ABLIM3: variants seen among roughly 807,000 people sequenced by gnomAD.
The protein encoded by ABLIM3 is actin binding LIM protein family member 3.
A neutral mutation model predicts 109.5 loss-of-function variants in ABLIM3; 61 were observed. That is an observed-to-expected ratio of 0.56 (90% confidence interval 0.45 to 0.69). The LOEUF (loss-of-function observed/expected upper bound fraction) is 0.69, where lower values mean the gene tolerates loss of function less well. Among genes scored for constraint, ABLIM3 ranks in the 30% least tolerant of loss-of-function variants. The pLI is 0.00. For missense variants in ABLIM3, 796 were observed against 889.5 expected (o/e 0.89, Z 1.34); for synonymous variants, 300 against 324.8 (o/e 0.92, Z 0.82).
Position 149,259,368 on chromosome 5 carries a change from AC to A in ABLIM3, c.*966del. On this transcript the variant is annotated 3_prime_UTR_variant, in exon 24 of 24. Coordinates refer to ENST00000309868, the MANE Select transcript of ABLIM3 (RefSeq NM_014945.5). ...AACACACCGCAGGGCTAATGTTCCCACCAGAGCTCCAACTGAACAACCAGAC... is the reference window on the plus strand; with the variant it reads ...AACACACCGCAGGGCTAATGTTCCCACAGAGCTCCAACTGAACAACCAGAC... 6.8e-7 allele frequency: 1 copy of A among 1,462,996 alleles called. No individual in the cohort carries two copies. The highest frequency in any genetic ancestry group is 2.3e-5 in the Admixed American group (1 of 42,848). The allele number at this position is 1,462,996 out of a possible 1,614,324, so 90.6% of individuals were successfully genotyped here.
intron 9 of ABLIM3, 105 bp downstream of exon 9, chr5:149,230,812 A>T: frequency 7.7e-7 from 1 of 1,299,102 alleles, no homozygotes; most frequent in Non-Finnish European, 1.1e-6. Flanking sequence ...CTTAGTGTGC[A>T]CACTCCCAAA....
At chr5:149,253,452 T>A (rs903037407) in intron 23 of ABLIM3, among the ~76,000 whole-genome samples, 5 of 152,182 alleles carry the variant, frequency 3.3e-5, no homozygotes, top group Non-Finnish European at 7.4e-5. Context: ...GCTTCCCCCA[T>A]GCTGCCAAGA....
rs1031463945 is a variant in ABLIM3, at chr5:149,259,246, C to T, written c.*842C>T. ...TGGGACCCTCCTCTCTCCCTCACTGCTCCCAGCACCTCCTGACCCTTCCCT... is the reference window on the plus strand; with the variant it reads ...TGGGACCCTCCTCTCTCCCTCACTGTTCCCAGCACCTCCTGACCCTTCCCT... On this transcript the variant is annotated 3_prime_UTR_variant, in exon 24 of 24. Transcript: ENST00000309868. 8.0e-7 allele frequency: 1 copy of T among 1,244,860 alleles called. No homozygotes were observed. Among genetic ancestry groups the T allele is most frequent in the Non-Finnish European group, 1.0e-6 (1 of 988,734 alleles). The allele number at this position is 1,244,860 out of a possible 1,614,324, so 77.1% of individuals were successfully genotyped here. A position where few individuals can be genotyped will look rare whatever the true frequency, so the allele number is the denominator to read the frequency against.
At chr5:149,170,959 A>T (rs1755358945) in intron 2 of ABLIM3, among the ~76,000 whole-genome samples, 1 of 152,186 alleles carries the variant, frequency 6.6e-6, no homozygotes, top group Admixed American at 6.5e-5. Flanking sequence ...TTAAAATGCC[A>T]TCTCTCCATG....
Position 149,258,735 on chromosome 5 carries a change from T to C in ABLIM3, c.*331T>C, listed in dbSNP as rs970564009. ...GGTGCCTGAAGAAGTCTCTCTTCTC[T>C]CTGCTTCGTGGCCCCTTTCTTAAAT... On this transcript the variant is annotated 3_prime_UTR_variant, in exon 24 of 24. Transcript: ENST00000309868. The C allele has an allele frequency of 9.8e-7, 1 of 1,015,812 alleles. No individual in the cohort carries two copies. Among genetic ancestry groups the C allele is most frequent in the African/African-American group, 1.7e-5 (1 of 58,112 alleles). 62.9% of individuals were successfully genotyped at this position (1,015,812 alleles called of 1,614,324 possible).
rs145529112 is a variant in ABLIM3 at position 149,248,327 on chromosome 5, C to A, written c.1699+398C>A. ...CTATGGGGCACTATGTAAGACCATG[C>A]TGCCCTGAGCAGTCACTCCCATTGC... is the stretch of plus-strand genomic sequence containing the variant. On this transcript the variant is annotated intron_variant, in intron 18 of 23. Transcript: ENST00000309868. Among the ~76,000 whole-genome samples the A allele has an allele frequency of 1.3e-3, 203 of 152,296 alleles. 2 individuals are homozygous for A. The East Asian group carries it at 0.03, about 23-fold the overall frequency.
At chr5:149,207,333 C>A (rs1759090800) in intron 6 of ABLIM3, among the ~76,000 whole-genome samples, 199 bp downstream of exon 6, 1 of 152,126 alleles carries the variant, frequency 6.6e-6, no homozygotes. Context: ...GCCTGAGACA[C>A]CCTCCCTGTT....
At chr5:149,206,880 C>A in intron 5 of ABLIM3, 128 bp from the exon 6 acceptor site, 1 of 1,154,788 alleles carries the variant, frequency 8.7e-7, no homozygotes, top group Non-Finnish European at 1.1e-6. Context: ...TGGGAAGCTT[C>A]CAGTGTCAGG....
chr5:149,243,366 A>G (rs942262910), intron 15 of ABLIM3: 5 of 152,204 alleles, frequency 3.3e-5, no homozygotes, highest in Admixed American at 3.3e-4. Flanking sequence ...CGATTGAAGG[A>G]GCACATCCCT....
At chr5:149,197,832 G>A (rs542729179) in intron 3 of ABLIM3, among the ~76,000 whole-genome samples, 157 of 152,344 alleles carry the variant, frequency 1.0e-3, no homozygotes, top group Non-Finnish European at 1.8e-3. Flanking sequence ...TACACCACCA[G>A]TGCTTCTTAG....
At chr5:149,153,139 T>C (rs1198354943) in intron 2 of ABLIM3, among the ~76,000 whole-genome samples, 1 of 152,190 alleles carries the variant, frequency 6.6e-6, no homozygotes, top group Non-Finnish European at 1.5e-5. Context: ...TCTGCTAAGA[T>C]GGCTACTAGA....
intron 2 of ABLIM3, among the ~76,000 whole-genome samples, chr5:149,154,022 A>G (rs1561534775): frequency 6.6e-6 from 1 of 152,148 alleles, no homozygotes; most frequent in Non-Finnish European, 1.5e-5. Flanking sequence ...ATCTTTCTCC[A>G]TGGGCTGTTA....
intron 23 of ABLIM3, among the ~76,000 whole-genome samples, chr5:149,256,251 A>AT (rs1217067619): frequency 2.0e-5 from 3 of 152,156 alleles, no homozygotes; most frequent in Non-Finnish European, 4.4e-5. Flanking sequence ...CATAACAAAG[A>AT]TTTTTTAACA....
chr5:149,142,217 A>G, intron 2 of ABLIM3, 109 bp downstream of exon 2: 1 of 1,496,782 alleles, frequency 6.7e-7, no homozygotes, highest in Non-Finnish European at 9.3e-7. Context: ...GCATCTCTGG[A>G]CACATGACCC....
rs376654599 is a variant in ABLIM3 at position 149,232,126 on chromosome 5, C to T, written c.817-1103C>T. 7.0e-4 allele frequency among the ~76,000 whole-genome samples: 106 copies of T among 151,974 alleles called. 1 individual carries two copies. The highest frequency in any genetic ancestry group is 2.5e-3 in the African/African-American group (103 of 41,374). ...TTCGAGACCAGGCTGGCCAACATGG[C>T]GAAACCCCAATTCTACTAAAAATAC... On this transcript the variant is annotated intron_variant, in intron 9 of 23. Transcript: ENST00000309868.
At chr5:149,205,813 A>G (rs972942670) in intron 5 of ABLIM3, among the ~76,000 whole-genome samples, 1 of 152,200 alleles carries the variant, frequency 6.6e-6, no homozygotes, top group African/African-American at 2.4e-5. Flanking sequence ...GAGGCGGAGT[A>G]CTGTGGGAAC....
Position 149,149,199 on chromosome 5 carries a change from C to T in ABLIM3, c.13+7091C>T, listed in dbSNP as rs534735735. Reference sequence around the variant, plus strand: ...GTTCAAACTCAAGATCTATCATGTACTCTCTCTGTGGTCTTGGACAGAATA... The same window carrying T: ...GTTCAAACTCAAGATCTATCATGTATTCTCTCTGTGGTCTTGGACAGAATA... On this transcript the variant is annotated intron_variant, in intron 2 of 23. Coordinates refer to ENST00000309868, the MANE Select transcript of ABLIM3 (RefSeq NM_014945.5). Among the ~76,000 whole-genome samples the T allele has an allele frequency of 2.0e-5, 3 of 152,336 alleles. No individual in the cohort carries two copies. In the South Asian group the frequency reaches 6.2e-4, roughly 32 times the overall value.
chr5:149,225,958 A>ATG lies in ABLIM3; in HGVS notation c.758-4667_758-4666dup, dbSNP rs372337062. Among the ~76,000 whole-genome samples the ATG allele has an allele frequency of 9.4e-3, 921 of 97,928 alleles. 18 individuals carry two copies. The highest frequency in any genetic ancestry group is 0.011 in the Non-Finnish European group (582 of 53,490). 64.2% of individuals were successfully genotyped at this position (97,928 alleles called of 152,430 possible). A position where few individuals can be genotyped will look rare whatever the true frequency, so the allele number is the denominator to read the frequency against. On this transcript the variant is annotated intron_variant, in intron 8 of 23. Coordinates refer to ENST00000309868, the MANE Select transcript of ABLIM3 (RefSeq NM_014945.5). ...ATATATATGTATGTATGTATATAAT[A>ATG]TGTGTGTGTGTGTGTGTGTGTGTGT...
At chr5:149,161,249 C>A (rs1018926119) in intron 2 of ABLIM3, among the ~76,000 whole-genome samples, 1 of 152,190 alleles carries the variant, frequency 6.6e-6, no homozygotes, top group Non-Finnish European at 1.5e-5. Context: ...GACATCAGTG[C>A]TATGGGAAAT....
Sources: gnomAD v4.1 joint callset for allele counts (sites outside exome capture counted in the v4.1 genomes callset) on GRCh38, gnomAD v4.1.1 for gene constraint, MANE v1.5 for transcripts, NCBI Gene and HGNC (gene_info 2026-07-23, HGNC 2026-07-21) for gene names.